Variants in CMTM8 observed in about 807,000 individuals in gnomAD.
CMTM8 encodes CKLF-like MARVEL transmembrane domain-containing protein 8.
Under a neutral mutation model 18.6 loss-of-function variants are expected in CMTM8, and 12 were observed. That is an observed-to-expected ratio of 0.65 (90% CI 0.41 to 1.05). CMTM8 has a LOEUF of 1.05. Among genes scored for constraint, CMTM8 ranks in the 50% least tolerant of loss-of-function variants. The pLI is 0.00. For synonymous variants in CMTM8, 87 were observed against 90.6 expected (o/e 0.96, Z 0.23); for missense variants, 217 against 227.2 (o/e 0.95, Z 0.29).
chr3:32,303,253 G>C lies in CMTM8; in HGVS notation c.148-54120G>C, dbSNP rs193060545. Among the ~76,000 whole-genome samples the C allele has an allele frequency of 1.5e-3, 231 of 152,356 alleles. 1 individual carries two copies. Among genetic ancestry groups the C allele is most frequent in the African/African-American group, 5.5e-3 (229 of 41,586 alleles). ...AAGATTTCTCAACATTCTCTTGAGA[G>C]CAGTTGTGTTAACAAGTTATGAAGA... is the stretch of plus-strand genomic sequence containing the variant. On this transcript the variant is annotated intron_variant, in intron 1 of 3. Transcript: ENST00000307526.
chr3:32,259,851 C>A, intron 1 of CMTM8: 1 of 833,332 alleles, frequency 1.2e-6, no homozygotes, highest in Non-Finnish European at 2.1e-6. Flanking sequence ...GCAGTCCAGT[C>A]CTTGGAGATT....
chr3:32,255,628 T>A (rs1702166055), intron 1 of CMTM8, among the ~76,000 whole-genome samples: 1 of 152,240 alleles, frequency 6.6e-6, no homozygotes, highest in Non-Finnish European at 1.5e-5. Flanking sequence ...TCATTGCACA[T>A]CCATTTCATC....
chr3:32,280,846 C>CAAAAAAAAAAA (rs60845487), intron 1 of CMTM8, among the ~76,000 whole-genome samples: 1 of 68,172 alleles, frequency 1.5e-5, no homozygotes, highest in Admixed American at 1.8e-4. Flanking sequence ...AGAAAATAGG[C>CAAAAAAAAAAA]AAAAAAAAAA....
At chr3:32,326,109 C>T (rs901331536) in intron 1 of CMTM8, among the ~76,000 whole-genome samples, 1 of 152,236 alleles carries the variant, frequency 6.6e-6, no homozygotes, top group Non-Finnish European at 1.5e-5. Flanking sequence ...GCCCTCCCCA[C>T]TATACCACTC....
chr3:32,239,244 A>C (rs1481216341), intron 1 of CMTM8, 125 bp downstream of exon 1: 1 of 1,053,970 alleles, frequency 9.5e-7, no homozygotes, highest in African/African-American at 1.7e-5. Flanking sequence ...GTTTTTGCTC[A>C]GCCTCGCCTT....
chr3:32,321,365 G>A (rs777757395), intron 1 of CMTM8, among the ~76,000 whole-genome samples: 1 of 152,120 alleles, frequency 6.6e-6, no homozygotes, highest in Non-Finnish European at 1.5e-5. Context: ...GGGCTTGGGT[G>A]TGCATGTGGA....
At chr3:32,347,539 G>T (rs371983368) in intron 1 of CMTM8, among the ~76,000 whole-genome samples, 1 of 151,852 alleles carries the variant, frequency 6.6e-6, no homozygotes, top group African/African-American at 2.4e-5. Context: ...AGTGCTGGGG[G>T]GCTTGGGGCC....
Position 32,334,864 on chromosome 3 carries a change from C to T in CMTM8, c.148-22509C>T, listed in dbSNP as rs568574664. Among the ~76,000 whole-genome samples, 3 of 152,264 alleles carry T rather than the reference C, an allele frequency of 2.0e-5. No individual in the cohort carries two copies. The East Asian group carries it at 5.8e-4, about 29-fold the overall frequency. On this transcript the variant is annotated intron_variant, in intron 1 of 3. Transcript: ENST00000307526. ...TACCCTGTGACATCCCCCGCTCATG[C>T]CTGCCCTCCACTGCCTCAGTTGAAA...
At chr3:32,248,149 A>G (rs1194568637) in intron 1 of CMTM8, among the ~76,000 whole-genome samples, 1 of 152,196 alleles carries the variant, frequency 6.6e-6, no homozygotes, top group East Asian at 1.9e-4. Flanking sequence ...TCATGTTTTA[A>G]TATCTGAATC....
In CMTM8 at chr3:32,300,737, T is replaced by C. The variant is rs994365865; in HGVS notation, c.148-56636T>C. On this transcript the variant is annotated intron_variant, in intron 1 of 3. Transcript: ENST00000307526. ...ACTTTGGGAGGCTGAGGTGGGTGGA[T>C]CACCTGAGGTCGGGAGTTCAAGACC... is the stretch of plus-strand genomic sequence containing the variant. Among the ~76,000 whole-genome samples, 8 of 152,290 alleles carry C rather than the reference T, an allele frequency of 5.3e-5. No individual in the cohort carries two copies. The East Asian group carries it at 1.5e-3, about 29-fold the overall frequency.
chr3:32,288,352 C>T (rs769879659), intron 1 of CMTM8, among the ~76,000 whole-genome samples: 4 of 152,032 alleles, frequency 2.6e-5, no homozygotes, highest in Non-Finnish European at 5.9e-5. Context: ...GACATGATCG[C>T]CCACCGTAAC....
intron 1 of CMTM8, among the ~76,000 whole-genome samples, chr3:32,314,866 G>A (rs1010842059): frequency 1.3e-5 from 2 of 148,640 alleles, no homozygotes; most frequent in African/African-American, 4.9e-5. Context: ...GGCGGGGGGG[G>A]TCCAACTGAG....
At chr3:32,349,229 TG>T (rs1696657088) in intron 1 of CMTM8, among the ~76,000 whole-genome samples, 1 of 152,168 alleles carries the variant, frequency 6.6e-6, no homozygotes, top group African/African-American at 2.4e-5. Flanking sequence ...CAAAGCTCTC[TG>T]GATGCTCTGA....
intron 2 of CMTM8, among the ~76,000 whole-genome samples, chr3:32,365,888 T>G (rs187892812): frequency 4.4e-4 from 67 of 152,324 alleles, no homozygotes. Flanking sequence ...CAACAAGACC[T>G]CATGTTTCTA....
intron 1 of CMTM8, among the ~76,000 whole-genome samples, chr3:32,348,858 T>G (rs115766515): frequency 0.016 from 2,505 of 152,234 alleles, 77 homozygotes; most frequent in African/African-American, 0.056. Flanking sequence ...ACTTTTTTAC[T>G]TTATCTCACC....
At chr3:32,369,823 T>A in intron 3 of CMTM8, 61 bp from the exon 4 acceptor site, 2 of 1,093,984 alleles carry the variant, frequency 1.8e-6, no homozygotes, top group Non-Finnish European at 2.8e-6. Context: ...GGTGAAATGA[T>A]AACTTTTGCT....
chr3:32,243,208 C>T (rs181752349), intron 1 of CMTM8, among the ~76,000 whole-genome samples: 11 of 151,724 alleles, frequency 7.3e-5, no homozygotes, highest in Admixed American at 3.9e-4. Context: ...AAAATGATAG[C>T]TCTCTTAAAA....
rs562072729 is a variant in CMTM8 at position 32,270,407 on chromosome 3, A to T, written c.147+31288A>T. Among the ~76,000 whole-genome samples, 10 of 152,214 alleles carry T rather than the reference A, an allele frequency of 6.6e-5. No homozygotes were observed. The East Asian group carries it at 1.9e-3, about 29-fold the overall frequency. On this transcript the variant is annotated intron_variant, in intron 1 of 3. Transcript: ENST00000307526. ...AGGAGTATAAATCATGCTACTATAA[A>T]GACACATGCACACATATGTTTATTG...
At chr3:32,258,502 GT>G (rs928426522) in intron 1 of CMTM8, among the ~76,000 whole-genome samples, 3 of 151,676 alleles carry the variant, frequency 2.0e-5, no homozygotes, top group African/African-American at 7.3e-5. Flanking sequence ...ACAGTGCTTT[GT>G]TTTTTTTGTT....
Sources: gnomAD v4.1 joint callset for allele counts (sites outside exome capture counted in the v4.1 genomes callset) on GRCh38, gnomAD v4.1.1 for gene constraint, MANE v1.5 for transcripts, NCBI Gene and HGNC (gene_info 2026-07-23, HGNC 2026-07-21) for gene names.